FHOD3: variants seen among roughly 807,000 people sequenced by gnomAD.
FHOD3 encodes FH1/FH2 domain-containing protein 3.
Under a neutral mutation model 173.0 loss-of-function variants are expected in FHOD3, and 90 were observed. That is an observed-to-expected ratio of 0.52 (90% CI 0.44 to 0.62). The LOEUF is 0.62. FHOD3 is among the 20% of genes least tolerant of loss of function. FHOD3 has a pLI of 0.00. For synonymous variants in FHOD3, 828 were observed against 823.0 expected, an observed-to-expected ratio of 1.01 and a Z score of -0.10; for missense variants, 1,945 against 2,034.7, an observed-to-expected ratio of 0.96 and a Z score of 0.85.
chr18:36,495,463 G>A (rs1038180573), intron 3 of FHOD3, among the ~76,000 whole-genome samples: 3 of 152,180 alleles, frequency 2.0e-5, no homozygotes, highest in Admixed American at 6.5e-5. Flanking sequence ...GAGAACCTCT[G>A]CGAACTCACG....
intron 1 of FHOD3, among the ~76,000 whole-genome samples, chr18:36,308,659 T>G (rs1272453380): frequency 6.6e-6 from 1 of 152,204 alleles, no homozygotes; most frequent in Non-Finnish European, 1.5e-5. Context: ...CTTCATCCTG[T>G]GGCTGCGTCC....
chr18:36,731,534 G>A (rs1442118861), intron 20 of FHOD3, among the ~76,000 whole-genome samples: 1 of 152,226 alleles, frequency 6.6e-6, no homozygotes, highest in African/African-American at 2.4e-5. Context: ...CACTGGGTCA[G>A]AGTGGGGATC....
At chr18:36,581,117 T>G (rs2058834646) in intron 6 of FHOD3, among the ~76,000 whole-genome samples, 1 of 152,218 alleles carries the variant, frequency 6.6e-6, no homozygotes, top group Non-Finnish European at 1.5e-5. Flanking sequence ...CGTAGCCAAA[T>G]AATGACTTTT....
chr18:36,372,357 T>A (rs1420074327), intron 2 of FHOD3, among the ~76,000 whole-genome samples: 1 of 152,214 alleles, frequency 6.6e-6, no homozygotes, highest in Non-Finnish European at 1.5e-5. Context: ...ATTCCAGGAA[T>A]TTCACTTCAT....
intron 5 of FHOD3, 146 bp from the exon 6 acceptor site, chr18:36,576,305 A>G (rs535925434): frequency 6.0e-6 from 3 of 499,430 alleles, no homozygotes; most frequent in African/African-American, 6.0e-5. Flanking sequence ...GATTTAGTTA[A>G]TTTCAGAGCT....
intron 18 of FHOD3, among the ~76,000 whole-genome samples, chr18:36,716,995 A>G (rs2040496716): frequency 6.6e-6 from 1 of 151,278 alleles, no homozygotes; most frequent in Non-Finnish European, 1.5e-5. Context: ...TGGGAAGGCC[A>G]TGGGAAATAC....
At chr18:36,566,485 G>A (rs1281736217) in intron 5 of FHOD3, among the ~76,000 whole-genome samples, 1 of 152,188 alleles carries the variant, frequency 6.6e-6, no homozygotes, top group East Asian at 1.9e-4. Flanking sequence ...AGCCCAGATG[G>A]TCTGGGCAGG....
intron 6 of FHOD3, among the ~76,000 whole-genome samples, chr18:36,577,542 C>A (rs1469198303): frequency 2.0e-5 from 3 of 152,200 alleles, no homozygotes; most frequent in Non-Finnish European, 4.4e-5. Flanking sequence ...CTCAAATGAT[C>A]CACCTGCCTT....
rs149569784 is a variant in FHOD3 at position 36,517,696 on chromosome 18, G to A, written c.511+5153G>A. 2.0e-3 allele frequency among the ~76,000 whole-genome samples: 307 copies of A among 152,294 alleles called. 2 individuals are homozygous for A. Among genetic ancestry groups the A allele is most frequent in the African/African-American group, 6.8e-3 (282 of 41,556 alleles). Reference sequence around the variant, plus strand: ...TAAAAGCTGGATAAGATCTTAAAACGCATTTAACTCAACCTTTTCATTTTA... The same window carrying A: ...TAAAAGCTGGATAAGATCTTAAAACACATTTAACTCAACCTTTTCATTTTA... On this transcript the variant is annotated intron_variant, in intron 5 of 28. Coordinates refer to ENST00000590592, the MANE Select transcript of FHOD3 (RefSeq NM_001281740.3).
intron 10 of FHOD3, among the ~76,000 whole-genome samples, chr18:36,626,204 A>C (rs544779519): frequency 6.6e-6 from 1 of 152,276 alleles, no homozygotes; most frequent in Admixed American, 6.5e-5. Context: ...GAGTTTCCAA[A>C]TAGCTGTCTC....
intron 17 of FHOD3, among the ~76,000 whole-genome samples, chr18:36,696,649 C>T (rs1331888843): frequency 2.6e-5 from 4 of 152,206 alleles, no homozygotes; most frequent in African/African-American, 7.2e-5. Flanking sequence ...CTAATCCCCA[C>T]CACCAAGTCA....
At chr18:36,759,442 G>A (rs1183140179) in intron 26 of FHOD3, among the ~76,000 whole-genome samples, 1 of 152,192 alleles carries the variant, frequency 6.6e-6, no homozygotes, top group East Asian at 1.9e-4. Context: ...TGGAAAAGTG[G>A]ACAGAGAATT....
chr18:36,740,299 A>G (rs978578849), intron 20 of FHOD3, among the ~76,000 whole-genome samples: 13 of 152,198 alleles, frequency 8.5e-5, no homozygotes, highest in Non-Finnish European at 1.3e-4. Flanking sequence ...GTTCTTTGAA[A>G]ATGATTCATT....
intron 10 of FHOD3, among the ~76,000 whole-genome samples, chr18:36,627,683 T>C (rs1425522027): frequency 6.6e-6 from 1 of 152,224 alleles, no homozygotes; most frequent in Non-Finnish European, 1.5e-5. Context: ...AGTGACTTCA[T>C]TTACGAAGCC....
In FHOD3 at chr18:36,767,522, G is replaced by A. The variant is rs192000257; in HGVS notation, c.4625-1743G>A. 5.3e-5 allele frequency among the ~76,000 whole-genome samples: 8 copies of A among 152,248 alleles called. No individual in the cohort carries two copies. In the East Asian group the frequency reaches 1.4e-3, roughly 26 times the overall value. ...TTTAGTAGAGATGGGGTTTCACTGTGTTGGCCAGGCTGTTCTCGAACTCCT... is the reference window on the plus strand; with the variant it reads ...TTTAGTAGAGATGGGGTTTCACTGTATTGGCCAGGCTGTTCTCGAACTCCT... On this transcript the variant is annotated intron_variant, in intron 27 of 28. Transcript: ENST00000590592.
chr18:36,561,775 A>G (rs1232923753), intron 5 of FHOD3, among the ~76,000 whole-genome samples: 2 of 152,150 alleles, frequency 1.3e-5, no homozygotes, highest in Non-Finnish European at 2.9e-5. Flanking sequence ...GAGCTAACAG[A>G]GATGACTGAG....
At chr18:36,537,895 T>G (rs2057060942) in intron 5 of FHOD3, among the ~76,000 whole-genome samples, 1 of 152,118 alleles carries the variant, frequency 6.6e-6, no homozygotes, top group South Asian at 2.1e-4. Context: ...ACACATTCTT[T>G]TAAAGGGCCC....
intron 16 of FHOD3, among the ~76,000 whole-genome samples, chr18:36,689,882 G>A (rs1380935122): frequency 6.6e-6 from 1 of 152,204 alleles, no homozygotes; most frequent in Non-Finnish European, 1.5e-5. Context: ...AGGGTTCTGA[G>A]CCTTGCTTAG....
At chr18:36,636,960 T>C (rs1429752192) in intron 10 of FHOD3, among the ~76,000 whole-genome samples, 4 of 135,372 alleles carry the variant, frequency 3.0e-5, no homozygotes, top group Non-Finnish European at 6.3e-5. Flanking sequence ...AAATGGAGGG[T>C]CAAATAATTT....
Sources: gnomAD v4.1 joint callset for allele counts (sites outside exome capture counted in the v4.1 genomes callset) on GRCh38, gnomAD v4.1.1 for gene constraint, MANE v1.5 for transcripts, NCBI Gene and HGNC (gene_info 2026-07-23, HGNC 2026-07-21) for gene names.